The following GTF2H1 variants were observed in gnomAD, a reference collection of about 807,000 sequenced individuals.
The protein encoded by GTF2H1 is general transcription factor IIH subunit 1.
In GTF2H1, 16 loss-of-function variants were observed where a neutral mutation model predicts 71.2. The observed-to-expected ratio is 0.22, with a 90% CI of 0.15 to 0.34. GTF2H1 has a LOEUF of 0.34. Among genes scored for constraint, GTF2H1 ranks in the 10% least tolerant of loss-of-function variants. GTF2H1 has a pLI of 1.00. For synonymous variants in GTF2H1, 215 were observed against 219.0 expected, an observed-to-expected ratio of 0.98 and a Z score of 0.16; for missense variants, 498 against 648.2, an observed-to-expected ratio of 0.77 and a Z score of 2.52.
chr11:18,360,286 C>CT (rs534585856), intron 13 of GTF2H1, among the ~76,000 whole-genome samples: 127 of 152,204 alleles, frequency 8.3e-4, no homozygotes, highest in African/African-American at 2.9e-3. Flanking sequence ...CCACGCCCAG[C>CT]TAATTTTTGT....
chr11:18,353,311 A>T (rs1865469664), intron 11 of GTF2H1, among the ~76,000 whole-genome samples: 1 of 152,188 alleles, frequency 6.6e-6, no homozygotes, highest in African/African-American at 2.4e-5. Context: ...GCCTCCCTTC[A>T]CTGCAGTAGT....
intron 1 of GTF2H1, among the ~76,000 whole-genome samples, chr11:18,326,994 TA>T (rs59805062): frequency 0.02 from 2,980 of 148,178 alleles, 102 homozygotes; most frequent in African/African-American, 0.07. Flanking sequence ...TCATCTCTAC[TA>T]AAAAAAAAAT....
rs562723224 is a variant in GTF2H1 at position 18,366,150 on chromosome 11, CAT to C, written c.*288_*289del. 12 of 335,186 alleles carry C rather than the reference CAT, an allele frequency of 3.6e-5. No individual in the cohort carries two copies. The East Asian group carries it at 5.6e-4, about 16-fold the overall frequency. 20.8% of individuals were successfully genotyped at this position (335,186 alleles called of 1,614,324 possible). A position where few individuals can be genotyped will look rare whatever the true frequency, so the allele number is the denominator to read the frequency against. On this transcript the variant is annotated 3_prime_UTR_variant, in exon 15 of 15. Coordinates refer to ENST00000265963, the MANE Select transcript of GTF2H1 (RefSeq NM_005316.4). ...ACACATATATGTACATGTGTATGTA[CAT>C]ATATATTTTAAAAGACTGTTTACTG...
At chr11:18,339,343 G>A (rs1865103244) in intron 4 of GTF2H1, among the ~76,000 whole-genome samples, 1 of 152,172 alleles carries the variant, frequency 6.6e-6, no homozygotes, top group South Asian at 2.1e-4. Context: ...GACCATATTA[G>A]ACTTCCAAAG....
chr11:18,348,234 C>T (rs1020101772), intron 9 of GTF2H1: 3 of 409,526 alleles, frequency 7.3e-6, no homozygotes, highest in Non-Finnish European at 1.3e-5. Context: ...AATCTTCATT[C>T]AACAGAGGCA....
chr11:18,334,238 G>C (rs1406169380), intron 2 of GTF2H1, among the ~76,000 whole-genome samples: 2 of 152,108 alleles, frequency 1.3e-5, no homozygotes, highest in Non-Finnish European at 2.9e-5. Flanking sequence ...AAATTCTCTG[G>C]GCATGGTGGC....
chr11:18,342,453 G>A (rs944211189), intron 7 of GTF2H1, among the ~76,000 whole-genome samples: 1 of 151,762 alleles, frequency 6.6e-6, no homozygotes, highest in African/African-American at 2.4e-5. Context: ...GTAGAGACAG[G>A]GTTTTGCCAC....
chr11:18,357,255 C>T (rs1227676130), intron 11 of GTF2H1, among the ~76,000 whole-genome samples: 1 of 152,176 alleles, frequency 6.6e-6, no homozygotes, highest in Non-Finnish European at 1.5e-5. Context: ...TTGATAGGCA[C>T]TCATCGAATA....
At chr11:18,344,303 G>A (rs4150626) in intron 7 of GTF2H1, among the ~76,000 whole-genome samples, 21,050 of 151,958 alleles carry the variant, frequency 0.14, 1,569 homozygotes, top group African/African-American at 0.19. Context: ...GTCTTTTATA[G>A]TTTATTCTCC....
intron 7 of GTF2H1, 192 bp downstream of exon 7, chr11:18,341,799 C>G: frequency 2.1e-6 from 1 of 468,974 alleles, no homozygotes; most frequent in Non-Finnish European, 3.8e-6. Flanking sequence ...AAATGAAATT[C>G]CTGTGTGAGT....
At chr11:18,336,559 C>T (rs555094182) in intron 3 of GTF2H1, among the ~76,000 whole-genome samples, 23 of 152,046 alleles carry the variant, frequency 1.5e-4, no homozygotes, top group Admixed American at 3.3e-4. Context: ...ATGTGCAAAC[C>T]CAGAAGCTGA....
At chr11:18,342,240 C>T (rs1195201680) in intron 7 of GTF2H1, among the ~76,000 whole-genome samples, 1 of 127,696 alleles carries the variant, frequency 7.8e-6, no homozygotes, top group Non-Finnish European at 1.7e-5. Context: ...TATTTTTCTT[C>T]TTTTTCTGTC....
intron 4 of GTF2H1, 148 bp downstream of exon 4, chr11:18,338,422 GA>G: frequency 1.7e-6 from 1 of 596,550 alleles, no homozygotes; most frequent in East Asian, 2.8e-5. Flanking sequence ...CACTATTATT[GA>G]ACTATTATTA....
chr11:18,342,119 A>G (rs1015054073), intron 7 of GTF2H1, among the ~76,000 whole-genome samples: 25 of 152,070 alleles, frequency 1.6e-4, no homozygotes, highest in African/African-American at 5.8e-4. Context: ...GCAGAGAAAG[A>G]GATGGTTCCT....
At chr11:18,361,350 T>C (rs1023657049) in intron 14 of GTF2H1, among the ~76,000 whole-genome samples, 3 of 152,172 alleles carry the variant, frequency 2.0e-5, no homozygotes, top group Non-Finnish European at 4.4e-5. Flanking sequence ...GTGATAACCA[T>C]CTCCATGCTT....
At chr11:18,336,986 A>G (rs903384685) in intron 3 of GTF2H1, among the ~76,000 whole-genome samples, 4 of 152,098 alleles carry the variant, frequency 2.6e-5, no homozygotes, top group African/African-American at 9.7e-5. Context: ...CCTGACCTCA[A>G]GTGATCTGCC....
chr11:18,347,145 G>A (rs1457148614), intron 7 of GTF2H1: 1 of 153,546 alleles, frequency 6.5e-6, no homozygotes, highest in Non-Finnish European at 1.4e-5. Flanking sequence ...GGCCAAGGTG[G>A]GCGGATCACT....
chr11:18,357,899 CAAAAA>C (rs113577976), intron 11 of GTF2H1, 48 bp from the exon 12 acceptor site: 1 of 582,600 alleles, frequency 1.7e-6, no homozygotes, highest in African/African-American at 2.1e-5. Context: ...AGAGAGGTGG[CAAAAA>C]AAAAAAAGGG....
intron 13 of GTF2H1, 44 bp downstream of exon 13, chr11:18,358,684 CT>C: frequency 8.3e-7 from 1 of 1,207,900 alleles, no homozygotes; most frequent in Non-Finnish European, 1.2e-6. Flanking sequence ...GTGGTAGTGA[CT>C]TACAAGAAGT....
Sources: allele counts gnomAD v4.1 joint callset (sites outside exome capture counted in the v4.1 genomes callset), GRCh38; gene constraint gnomAD v4.1.1; transcripts MANE v1.5; gene names NCBI Gene and HGNC (gene_info 2026-07-23, HGNC 2026-07-21).